The following NAV3 variants were observed in gnomAD, a reference collection of about 807,000 sequenced individuals.
The protein encoded by NAV3 is neuron navigator 3, also known as pore membrane and/or filament interacting like protein 1.
Under a neutral mutation model 244.7 loss-of-function variants are expected in NAV3, and 87 were observed. The ratio of observed to expected loss-of-function variants is 0.36; its 90% CI spans 0.30 to 0.42. The LOEUF (loss-of-function observed/expected upper bound fraction) is 0.42, where lower values mean the gene tolerates loss of function less well. NAV3 is among the 20% of genes least tolerant of loss of function. The pLI is 1.00. For synonymous variants in NAV3, 1,126 were observed against 1,042.2 expected (o/e 1.08, Z -1.55); for missense variants, 2,663 against 2,893.3 (o/e 0.92, Z 1.83).
At chr12:77,690,911 A>G (rs922953060) in intron 2 of NAV3, among the ~76,000 whole-genome samples, 2 of 151,052 alleles carry the variant, frequency 1.3e-5, no homozygotes, top group African/African-American at 4.8e-5. Context: ...TTTGATTGCT[A>G]AAGTTAAAAC....
chr12:78,161,158 C>T (rs978057388), intron 23 of NAV3, among the ~76,000 whole-genome samples: 3 of 152,056 alleles, frequency 2.0e-5, no homozygotes, highest in African/African-American at 7.2e-5. Flanking sequence ...TTTATCTAAC[C>T]TTTCTTGAAC....
chr12:77,611,750 T>G (rs1870923744), intron 2 of NAV3, among the ~76,000 whole-genome samples: 2 of 152,048 alleles, frequency 1.3e-5, no homozygotes, highest in Non-Finnish European at 2.9e-5. Flanking sequence ...GAGCAAAAAG[T>G]GCTTTAATAA....
At chr12:77,590,554 T>C (rs1869858219) in intron 2 of NAV3, among the ~76,000 whole-genome samples, 3 of 152,150 alleles carry the variant, frequency 2.0e-5, no homozygotes, top group Non-Finnish European at 4.4e-5. Flanking sequence ...GAAAAATAAC[T>C]AACGGGTACT....
intron 9 of NAV3, among the ~76,000 whole-genome samples, chr12:78,026,462 A>T (rs1316442189): frequency 6.6e-6 from 1 of 152,082 alleles, no homozygotes; most frequent in East Asian, 1.9e-4. Flanking sequence ...CTCCTTTTTA[A>T]TGCCTCACAC....
intron 12 of NAV3, among the ~76,000 whole-genome samples, chr12:78,109,755 T>C (rs761929395): frequency 9.9e-4 from 150 of 151,958 alleles, no homozygotes; most frequent in Non-Finnish European, 8.7e-4. Flanking sequence ...CATCTCTTCA[T>C]GAAAAAAAAC....
At chr12:77,714,314 C>G (rs1466703952) in intron 2 of NAV3, among the ~76,000 whole-genome samples, 1 of 152,094 alleles carries the variant, frequency 6.6e-6, no homozygotes, top group African/African-American at 2.4e-5. Context: ...AAAATTTACC[C>G]TACAAAATTC....
At chr12:78,187,687 C>A (rs934330450) in intron 31 of NAV3, among the ~76,000 whole-genome samples, 2 of 151,810 alleles carry the variant, frequency 1.3e-5, no homozygotes, top group African/African-American at 4.8e-5. Context: ...CAAAATGGAA[C>A]CTGTTTTGTA....
chr12:77,711,558 G>A (rs1876112938), intron 2 of NAV3, among the ~76,000 whole-genome samples: 1 of 152,188 alleles, frequency 6.6e-6, no homozygotes, highest in African/African-American at 2.4e-5. Flanking sequence ...ACAGGATCTG[G>A]TCCTTTTTTG....
chr12:77,856,280 A>T (rs1295061902), intron 1 of NAV3, among the ~76,000 whole-genome samples: 2 of 152,116 alleles, frequency 1.3e-5, no homozygotes, highest in Non-Finnish European at 2.9e-5. Context: ...TGTTCTTGTG[A>T]CATGTAGCTA....
At chr12:77,927,141 T>C (rs988303087) in intron 1 of NAV3, among the ~76,000 whole-genome samples, 2 of 152,244 alleles carry the variant, frequency 1.3e-5, no homozygotes, top group Non-Finnish European at 2.9e-5. Context: ...AGAGATGGAC[T>C]GTTTTCATAA....
At chr12:77,843,559 GTCTTTTTAGGT>G (rs1007906633) in intron 1 of NAV3, among the ~76,000 whole-genome samples, 5 of 150,212 alleles carry the variant, frequency 3.3e-5, no homozygotes, top group African/African-American at 4.9e-5. Context: ...CATTTTAGGT[GTCTTTTTAGGT>G]TCTTTTTAGG....
intron 9 of NAV3, among the ~76,000 whole-genome samples, chr12:78,038,635 G>C (rs1880323697): frequency 6.6e-6 from 1 of 152,172 alleles, no homozygotes; most frequent in East Asian, 1.9e-4. Context: ...CAACACTGAA[G>C]ATTTACTTTT....
intron 1 of NAV3, among the ~76,000 whole-genome samples, chr12:77,852,945 C>A (rs1400603898): frequency 1.3e-5 from 2 of 152,140 alleles, no homozygotes; most frequent in Non-Finnish European, 2.9e-5. Context: ...AACATTCCTG[C>A]ACATGTCTTT....
At chr12:77,875,390 T>G (rs2136519454) in intron 1 of NAV3, among the ~76,000 whole-genome samples, 1 of 152,172 alleles carries the variant, frequency 6.6e-6, no homozygotes, top group South Asian at 2.1e-4. Flanking sequence ...ACCTCCTCAC[T>G]TCTTACTCAT....
intron 12 of NAV3, among the ~76,000 whole-genome samples, chr12:78,060,729 T>C (rs909686670): frequency 6.6e-6 from 1 of 152,118 alleles, no homozygotes; most frequent in Non-Finnish European, 1.5e-5. Flanking sequence ...AAATGAGTTA[T>C]GTGAAAAATA....
At chr12:77,760,850 A>C (rs1318381193) in intron 2 of NAV3, among the ~76,000 whole-genome samples, 1 of 152,164 alleles carries the variant, frequency 6.6e-6, no homozygotes, top group Non-Finnish European at 1.5e-5. Flanking sequence ...CAGGACCATC[A>C]TGAGTTTTGA....
At chr12:77,949,755 T>C (rs1340751488) in intron 3 of NAV3, among the ~76,000 whole-genome samples, 2 of 152,042 alleles carry the variant, frequency 1.3e-5, no homozygotes, top group Non-Finnish European at 2.9e-5. Flanking sequence ...TATTGTACAT[T>C]AGACAAATAT....
chr12:77,916,074 T>A (rs1887112982), intron 1 of NAV3, among the ~76,000 whole-genome samples: 1 of 152,018 alleles, frequency 6.6e-6, no homozygotes. Context: ...CAGGCCACTC[T>A]GAGATGGTGA....
At chr12:77,770,087 T>C (rs1324833585) in intron 2 of NAV3, among the ~76,000 whole-genome samples, 2 of 152,176 alleles carry the variant, frequency 1.3e-5, no homozygotes, top group African/African-American at 2.4e-5. Flanking sequence ...GAGATACCAG[T>C]AGGCATATGA....
Sources: gnomAD v4.1 joint callset for allele counts (sites outside exome capture counted in the v4.1 genomes callset) on GRCh38, gnomAD v4.1.1 for gene constraint, MANE v1.5 for transcripts, NCBI Gene and HGNC (gene_info 2026-07-23, HGNC 2026-07-21) for gene names.